Variants in TP63 observed in about 807,000 individuals in gnomAD.
TP63 encodes the protein tumor protein 63.
In TP63, 17 loss-of-function variants were observed where a neutral mutation model predicts 82.8. The ratio of observed to expected loss-of-function variants is 0.21; its 90% CI spans 0.14 to 0.31. TP63 has a LOEUF of 0.31. Ranked by LOEUF, TP63 falls within the 10% of genes least tolerant of loss-of-function variation. The pLI is 1.00. For synonymous variants in TP63, 330 were observed against 321.7 expected (o/e 1.03, Z -0.28); for missense variants, 648 against 895.3 (o/e 0.72, Z 3.52).
chr3:189,636,676 A>T (rs1729803172), intron 1 of TP63, among the ~76,000 whole-genome samples: 1 of 152,198 alleles, frequency 6.6e-6, no homozygotes, highest in African/African-American at 2.4e-5. Context: ...ACATTGAGAT[A>T]AATGTGAGCT....
At chr3:189,798,482 A>G (rs150209004) in intron 3 of TP63, among the ~76,000 whole-genome samples, 1 of 152,202 alleles carries the variant, frequency 6.6e-6, no homozygotes, top group Non-Finnish European at 1.5e-5. Context: ...ATTACTCACA[A>G]GGACAGAGAA....
chr3:189,677,711 C>A (rs953497552), intron 1 of TP63, among the ~76,000 whole-genome samples: 4 of 151,988 alleles, frequency 2.6e-5, no homozygotes, highest in African/African-American at 9.7e-5. Flanking sequence ...TATATTCCCA[C>A]CAACAGTGTA....
At chr3:189,806,863 A>G (rs957276569) in intron 3 of TP63, among the ~76,000 whole-genome samples, 5 of 152,152 alleles carry the variant, frequency 3.3e-5, no homozygotes, top group Admixed American at 2.0e-4. Flanking sequence ...GGCAAAGCCC[A>G]CTTCTCCTCC....
intron 4 of TP63, among the ~76,000 whole-genome samples, chr3:189,840,235 T>A (rs1290600155): frequency 6.6e-6 from 1 of 152,168 alleles, no homozygotes; most frequent in African/African-American, 2.4e-5. Context: ...TCCTAACTTT[T>A]TTTTTCATGC....
intron 4 of TP63, among the ~76,000 whole-genome samples, chr3:189,823,769 G>A (rs1440091810): frequency 1.4e-5 from 2 of 147,926 alleles, no homozygotes; most frequent in African/African-American, 5.4e-5. Flanking sequence ...AAGGGTTATT[G>A]TGAGGATTAA....
intron 1 of TP63, among the ~76,000 whole-genome samples, chr3:189,649,007 T>C (rs903717682): frequency 1.4e-5 from 2 of 147,196 alleles, no homozygotes; most frequent in Admixed American, 6.7e-5. Flanking sequence ...CTCTAGTTAC[T>C]GTTCATTTTA....
intron 3 of TP63, among the ~76,000 whole-genome samples, chr3:189,753,652 C>T (rs1385071782): frequency 6.6e-6 from 1 of 151,986 alleles, no homozygotes; most frequent in African/African-American, 2.4e-5. Flanking sequence ...GTATTTACAT[C>T]ATTTACATAT....
At chr3:189,893,053 G>C (rs1357105441) in intron 13 of TP63, among the ~76,000 whole-genome samples, 3 of 152,154 alleles carry the variant, frequency 2.0e-5, no homozygotes, top group Non-Finnish European at 4.4e-5. Context: ...GCCAGTCTAA[G>C]TTATTGGGCA....
intron 3 of TP63, among the ~76,000 whole-genome samples, chr3:189,748,416 A>G (rs927038703): frequency 1.3e-5 from 2 of 151,598 alleles, no homozygotes; most frequent in African/African-American, 4.8e-5. Flanking sequence ...GAAAGAAATC[A>G]AGAAGGCAAT....
At chr3:189,624,976 A>T in the TP63 span, among the ~76,000 whole-genome samples, 1 of 152,176 alleles carries the variant, frequency 6.6e-6, no homozygotes, top group Admixed American at 6.6e-5. Context: ...AGTATTCCCT[A>T]TTCAACTTCC....
At chr3:189,874,715 A>G (rs1718833521) in intron 10 of TP63, among the ~76,000 whole-genome samples, 1 of 152,214 alleles carries the variant, frequency 6.6e-6, no homozygotes, top group South Asian at 2.1e-4. Context: ...ATCAGATGGA[A>G]ATATATACTA....
chr3:189,854,650 G>A (rs1392643433), intron 4 of TP63, among the ~76,000 whole-genome samples: 1 of 152,214 alleles, frequency 6.6e-6, no homozygotes, highest in African/African-American at 2.4e-5. Flanking sequence ...AAGCCTGATA[G>A]GATAGAACTG....
the TP63 span, among the ~76,000 whole-genome samples, chr3:189,617,817 C>A: frequency 0.34 from 52,090 of 152,062 alleles, 9,379 homozygotes; most frequent in Non-Finnish European, 0.4. Flanking sequence ...CCAAGTATGT[C>A]ATTTCCAACA....
At chr3:189,828,249 CA>C (rs556370643) in intron 4 of TP63, among the ~76,000 whole-genome samples, 17,629 of 84,406 alleles carry the variant, frequency 0.21, 1,043 homozygotes, top group Middle Eastern at 0.32. Context: ...TCAAAACAAG[CA>C]AAAAAAAAAA....
At chr3:189,643,063 G>T (rs191871525) in intron 1 of TP63, among the ~76,000 whole-genome samples, 1 of 151,654 alleles carries the variant, frequency 6.6e-6, no homozygotes, top group Non-Finnish European at 1.5e-5. Flanking sequence ...GTACAATGGC[G>T]CAATCTCAGC....
At chr3:189,859,293 T>G (rs1323362564) in intron 4 of TP63, among the ~76,000 whole-genome samples, 1 of 152,158 alleles carries the variant, frequency 6.6e-6, no homozygotes, top group Non-Finnish European at 1.5e-5. Flanking sequence ...GAAATTTCTG[T>G]GTTACAAAGG....
chr3:189,668,783 CG>C (rs1011869629), intron 1 of TP63, among the ~76,000 whole-genome samples: 7 of 151,934 alleles, frequency 4.6e-5, no homozygotes, highest in African/African-American at 1.7e-4. Context: ...GAAGTCAAGG[CG>C]GGAGGATTGC....
At chr3:189,870,436 T>A (rs954609655) in intron 9 of TP63, among the ~76,000 whole-genome samples, 4 of 152,224 alleles carry the variant, frequency 2.6e-5, no homozygotes, top group African/African-American at 9.6e-5. Context: ...GAGGTAATTT[T>A]AAACTATACA....
intron 3 of TP63, among the ~76,000 whole-genome samples, chr3:189,776,284 G>A (rs1032018287): frequency 6.6e-6 from 1 of 152,096 alleles, no homozygotes; most frequent in Non-Finnish European, 1.5e-5. Context: ...CAATAAGCCC[G>A]ACATTCGTTT....
Sources: allele counts gnomAD v4.1 joint callset (sites outside exome capture counted in the v4.1 genomes callset), GRCh38; gene constraint gnomAD v4.1.1; transcripts MANE v1.5; gene names NCBI Gene and HGNC (gene_info 2026-07-23, HGNC 2026-07-21).